Variants in TASP1 observed in about 807,000 individuals in gnomAD.
The protein encoded by TASP1 is taspase 1.
Under a neutral mutation model 56.6 loss-of-function variants are expected in TASP1, and 16 were observed. That is an observed-to-expected ratio of 0.28 (90% CI 0.19 to 0.43). The LOEUF (loss-of-function observed/expected upper bound fraction) is 0.43, where lower values mean the gene tolerates loss of function less well. Ranked by LOEUF, TASP1 falls within the 20% of genes least tolerant of loss-of-function variation. The pLI is 1.00. For synonymous variants in TASP1, 179 were observed against 184.2 expected (o/e 0.97, Z 0.23); for missense variants, 393 against 511.6 (o/e 0.77, Z 2.24).
the TASP1 span, among the ~76,000 whole-genome samples, chr20:13,185,114 T>C: frequency 6.6e-6 from 1 of 152,042 alleles, no homozygotes; most frequent in African/African-American, 2.4e-5. Flanking sequence ...AAGACAATAA[T>C]TTCATATAAT....
At chr20:13,443,234 A>G (rs2043286398) in intron 11 of TASP1, among the ~76,000 whole-genome samples, 1 of 152,196 alleles carries the variant, frequency 6.6e-6, no homozygotes, top group Admixed American at 6.5e-5. Flanking sequence ...TAGGGTATCA[A>G]TTTCCCTAGC....
chr20:13,115,128 T>C, the TASP1 span, among the ~76,000 whole-genome samples: 12 of 152,224 alleles, frequency 7.9e-5, no homozygotes, highest in Non-Finnish European at 8.8e-5. Context: ...TTCTGTATCA[T>C]TTTTGGCACT....
At chr20:13,530,051 T>A (rs2045160526) in intron 9 of TASP1, among the ~76,000 whole-genome samples, 1 of 152,142 alleles carries the variant, frequency 6.6e-6, no homozygotes, top group Non-Finnish European at 1.5e-5. Context: ...TCCAATTTTT[T>A]AAAAACAGCT....
chr20:13,362,978 T>C, the TASP1 span, among the ~76,000 whole-genome samples: 1 of 151,880 alleles, frequency 6.6e-6, no homozygotes, highest in African/African-American at 2.4e-5. Context: ...CCTAATACCC[T>C]TGTAGATTGG....
chr20:13,127,271 T>C, the TASP1 span, among the ~76,000 whole-genome samples: 1 of 152,176 alleles, frequency 6.6e-6, no homozygotes, highest in Admixed American at 6.5e-5. Flanking sequence ...TGAAAAATTG[T>C]TTCATAAAAG....
chr20:13,155,282 C>T, the TASP1 span, among the ~76,000 whole-genome samples: 1 of 152,144 alleles, frequency 6.6e-6, no homozygotes, highest in East Asian at 1.9e-4. Flanking sequence ...ATTCAACATA[C>T]TACGCATCAG....
intron 10 of TASP1, among the ~76,000 whole-genome samples, chr20:13,509,533 GTTAA>G (rs1315971531): frequency 6.6e-6 from 1 of 152,138 alleles, no homozygotes; most frequent in African/African-American, 2.4e-5. Flanking sequence ...GATGGATTAT[GTTAA>G]TTAGTTTGAT....
chr20:13,245,422 A>G, the TASP1 span: 1 of 152,180 alleles, frequency 6.6e-6, no homozygotes, highest in Non-Finnish European at 1.5e-5. Context: ...TTGTCACCTA[A>G]TCTCAGTGAC....
chr20:13,292,452 T>C, the TASP1 span: 8 of 1,593,926 alleles, frequency 5.0e-6, no homozygotes, highest in Admixed American at 5.2e-5. Flanking sequence ...GCCACCAAAC[T>C]GTTTGAAGTT....
the TASP1 span, among the ~76,000 whole-genome samples, chr20:13,209,686 A>T: frequency 6.6e-6 from 1 of 152,218 alleles, no homozygotes; most frequent in Non-Finnish European, 1.5e-5. Flanking sequence ...ATCTAAAAAA[A>T]ATCTGCCATT....
chr20:13,361,445 C>A, the TASP1 span, among the ~76,000 whole-genome samples: 1 of 152,098 alleles, frequency 6.6e-6, no homozygotes, highest in South Asian at 2.1e-4. Flanking sequence ...CCTCCATCTT[C>A]AAGAAAAGTA....
At chr20:13,288,830 G>A in the TASP1 span, 9 of 802,836 alleles carry the variant, frequency 1.1e-5, no homozygotes, top group African/African-American at 1.7e-5. Flanking sequence ...TGTCGCCCAG[G>A]CTGGAGTGCA....
intron 1 of TASP1, 113 bp from the exon 2 acceptor site, chr20:13,630,265 T>G: frequency 3.6e-6 from 2 of 560,760 alleles, no homozygotes; most frequent in Non-Finnish European, 5.9e-6. Flanking sequence ...GTTATTTAAT[T>G]GAGCAATACA....
At chr20:13,614,343 C>T (rs1600169347) in intron 4 of TASP1, among the ~76,000 whole-genome samples, 1 of 151,652 alleles carries the variant, frequency 6.6e-6, no homozygotes, top group Admixed American at 6.6e-5. Flanking sequence ...AAAAAAAACC[C>T]TCACACAACA....
the TASP1 span, among the ~76,000 whole-genome samples, chr20:13,150,085 T>C: frequency 1.2e-3 from 176 of 152,336 alleles, no homozygotes; most frequent in African/African-American, 3.9e-3. Flanking sequence ...GAGATGTATC[T>C]GTGTGCCTTG....
intron 10 of TASP1, among the ~76,000 whole-genome samples, chr20:13,516,457 G>C (rs1256858485): frequency 6.6e-6 from 1 of 152,042 alleles, no homozygotes; most frequent in East Asian, 1.9e-4. Flanking sequence ...TGAAAATCCA[G>C]CCCTGTTTCT....
chr20:13,531,724 C>T (rs548922438), intron 9 of TASP1, among the ~76,000 whole-genome samples: 20 of 152,112 alleles, frequency 1.3e-4, no homozygotes, highest in East Asian at 9.7e-4. Context: ...AGTGCAGTAG[C>T]GAGATCTCAG....
chr20:13,547,659 T>C (rs1450598626), intron 8 of TASP1, among the ~76,000 whole-genome samples: 3 of 152,138 alleles, frequency 2.0e-5, no homozygotes, highest in African/African-American at 7.2e-5. Flanking sequence ...AAATGTATCT[T>C]CTGATAGCAC....
chr20:13,321,275 A>AAAAAT, the TASP1 span, among the ~76,000 whole-genome samples: 2 of 150,522 alleles, frequency 1.3e-5, no homozygotes, highest in African/African-American at 4.9e-5. Flanking sequence ...AAAAAAAAAA[A>AAAAAT]AGATTTTATG....
Sources: allele counts gnomAD v4.1 joint callset (sites outside exome capture counted in the v4.1 genomes callset), GRCh38; gene constraint gnomAD v4.1.1; transcripts MANE v1.5; gene names NCBI Gene and HGNC (gene_info 2026-07-23, HGNC 2026-07-21).